The following GPATCH2 variants were observed in gnomAD, a reference collection of about 807,000 sequenced individuals.
GPATCH2 encodes G patch domain-containing protein 2.
Under a neutral mutation model 58.0 loss-of-function variants are expected in GPATCH2, and 51 were observed. The ratio of observed to expected loss-of-function variants is 0.88; its 90% CI spans 0.70 to 1.11. The LOEUF is 1.11. Among genes scored for constraint, GPATCH2 ranks in the 50% most tolerant of loss-of-function variants. GPATCH2 has a pLI of 0.00. For missense variants in GPATCH2, 625 were observed against 652.2 expected (o/e 0.96, Z 0.45); for synonymous variants, 222 against 218.5 (o/e 1.02, Z -0.14).
At chr1:217,468,463 G>A (rs1278700946) in intron 8 of GPATCH2, among the ~76,000 whole-genome samples, 2 of 149,098 alleles carry the variant, frequency 1.3e-5, no homozygotes, top group African/African-American at 2.5e-5. Flanking sequence ...AAACTTTATG[G>A]GCCAAACACC....
intron 5 of GPATCH2, among the ~76,000 whole-genome samples, chr1:217,588,547 A>G (rs1319046803): frequency 1.3e-5 from 2 of 152,206 alleles, no homozygotes; most frequent in Non-Finnish European, 2.9e-5. Context: ...ATCATCTAGT[A>G]TATGACATTC....
intron 9 of GPATCH2, among the ~76,000 whole-genome samples, chr1:217,442,513 A>G (rs1040272802): frequency 2.0e-5 from 3 of 152,102 alleles, no homozygotes; most frequent in Admixed American, 1.3e-4. Context: ...AAAACAAAAA[A>G]CATTTTCTAT....
At chr1:217,569,190 G>A (rs904950472) in intron 5 of GPATCH2, among the ~76,000 whole-genome samples, 8 of 151,644 alleles carry the variant, frequency 5.3e-5, no homozygotes, top group African/African-American at 1.9e-4. Context: ...AATGGGAGTA[G>A]ACAGATATTT....
At chr1:217,440,644 A>G (rs1056322044) in intron 9 of GPATCH2, among the ~76,000 whole-genome samples, 2 of 152,238 alleles carry the variant, frequency 1.3e-5, no homozygotes, top group Admixed American at 1.3e-4. Flanking sequence ...CCTTAAGCTG[A>G]TAAGAAACTT....
At chr1:217,459,923 T>C (rs551849383) in intron 8 of GPATCH2, among the ~76,000 whole-genome samples, 4 of 152,310 alleles carry the variant, frequency 2.6e-5, no homozygotes, top group Admixed American at 2.6e-4. Flanking sequence ...TGAGGTAGCA[T>C]GTTAGGACAG....
intron 1 of GPATCH2, among the ~76,000 whole-genome samples, chr1:217,628,109 A>T (rs537634648): frequency 1.3e-5 from 2 of 152,214 alleles, no homozygotes; most frequent in East Asian, 3.9e-4. Context: ...AGGAATGAGA[A>T]TGAAGACAAC....
At chr1:217,523,796 T>C (rs578254966) in intron 5 of GPATCH2, among the ~76,000 whole-genome samples, 56,961 of 133,386 alleles carry the variant, frequency 0.43, 11,356 homozygotes, top group Non-Finnish European at 0.46. Flanking sequence ...GCTGGCCAGG[T>C]GGGGGGCTGA....
At chr1:217,491,458 T>G (rs1661729235) in intron 8 of GPATCH2, 4 of 206,298 alleles carry the variant, frequency 1.9e-5, no homozygotes, top group Non-Finnish European at 3.8e-5. Context: ...AGATAAATAT[T>G]TTATTTTAAA....
rs147175663 is a variant in GPATCH2 at position 217,601,803 on chromosome 1, T to G, written c.1098+8518A>C. On this transcript the variant is annotated intron_variant, in intron 5 of 9. Transcript: ENST00000366935. Reference sequence around the variant, plus strand: ...CCTGCTTAATTTTCTCCATGTCCATTTTTATTTCCTTATTCTCCTCCCAAC... The same window carrying G: ...CCTGCTTAATTTTCTCCATGTCCATGTTTATTTCCTTATTCTCCTCCCAAC... Among the ~76,000 whole-genome samples the G allele has an allele frequency of 2.6e-3, 402 of 152,302 alleles. 4 individuals carry two copies. In the East Asian group the frequency reaches 0.036, roughly 14 times the overall value.
At chr1:217,539,335 C>G (rs1004905362) in intron 5 of GPATCH2, among the ~76,000 whole-genome samples, 2 of 152,058 alleles carry the variant, frequency 1.3e-5, no homozygotes, top group South Asian at 4.2e-4. Context: ...TATGATTAAA[C>G]CAGTATATAT....
At chr1:217,589,311 C>A (rs1667485424) in intron 5 of GPATCH2, among the ~76,000 whole-genome samples, 1 of 150,768 alleles carries the variant, frequency 6.6e-6, no homozygotes, top group Non-Finnish European at 1.5e-5. Context: ...CTCTAGAAGA[C>A]ACCATGCTGC....
intron 5 of GPATCH2, among the ~76,000 whole-genome samples, chr1:217,538,176 G>C (rs1397131214): frequency 2.0e-5 from 3 of 152,122 alleles, no homozygotes; most frequent in African/African-American, 4.8e-5. Context: ...GATCCAAAAG[G>C]CATGATATAT....
chr1:217,436,237 C>T (rs1418833487), intron 9 of GPATCH2, among the ~76,000 whole-genome samples: 4 of 151,794 alleles, frequency 2.6e-5, no homozygotes, highest in Non-Finnish European at 5.9e-5. Flanking sequence ...TGAAGTCAGA[C>T]AGGAATGTTT....
chr1:217,468,039 T>G (rs1660542134), intron 8 of GPATCH2, among the ~76,000 whole-genome samples: 1 of 152,158 alleles, frequency 6.6e-6, no homozygotes, highest in Admixed American at 6.5e-5. Flanking sequence ...TTGGAAAATG[T>G]TAGGAACCAA....
At chr1:217,580,405 A>G (rs1461640445) in intron 5 of GPATCH2, among the ~76,000 whole-genome samples, 2 of 152,174 alleles carry the variant, frequency 1.3e-5, no homozygotes, top group Non-Finnish European at 2.9e-5. Context: ...CAACTTACAA[A>G]TCAATAAAAG....
chr1:217,556,419 G>A (rs1665620204), intron 5 of GPATCH2, among the ~76,000 whole-genome samples: 1 of 152,084 alleles, frequency 6.6e-6, no homozygotes, highest in South Asian at 2.1e-4. Context: ...AAATAACATT[G>A]TTCCATTTTG....
chr1:217,548,255 A>G (rs1571899314), intron 5 of GPATCH2, among the ~76,000 whole-genome samples: 1 of 152,118 alleles, frequency 6.6e-6, no homozygotes, highest in Non-Finnish European at 1.5e-5. Flanking sequence ...ACTGGGGCCT[A>G]TTGGAGGTTG....
chr1:217,538,955 C>A (rs1024787190), intron 5 of GPATCH2, among the ~76,000 whole-genome samples: 2 of 152,088 alleles, frequency 1.3e-5, no homozygotes, highest in Non-Finnish European at 2.9e-5. Context: ...CTTTCTTATA[C>A]CCTCTGCTTA....
intron 5 of GPATCH2, among the ~76,000 whole-genome samples, chr1:217,576,293 G>T (rs1666798902): frequency 6.6e-6 from 1 of 151,966 alleles, no homozygotes; most frequent in Non-Finnish European, 1.5e-5. Flanking sequence ...AATGATTAAG[G>T]CCCTATTTAA....
Sources: gnomAD v4.1 joint callset for allele counts (sites outside exome capture counted in the v4.1 genomes callset) on GRCh38, gnomAD v4.1.1 for gene constraint, MANE v1.5 for transcripts, NCBI Gene and HGNC (gene_info 2026-07-23, HGNC 2026-07-21) for gene names.